Variants in NUP210L observed in about 807,000 individuals in gnomAD.
NUP210L encodes the protein nucleoporin 210 like.
A neutral mutation model predicts 208.5 loss-of-function variants in NUP210L; 74 were observed. The observed-to-expected ratio is 0.35, with a 90% CI of 0.29 to 0.43. NUP210L has a LOEUF of 0.43. Ranked by LOEUF, NUP210L falls within the 20% of genes least tolerant of loss-of-function variation. The pLI, the probability that NUP210L is intolerant of heterozygous loss-of-function variation, is 1.00. For synonymous variants in NUP210L, 780 were observed against 816.9 expected, an observed-to-expected ratio of 0.95 and a Z score of 0.77; for missense variants, 1,843 against 2,289.4, an observed-to-expected ratio of 0.81 and a Z score of 3.98.
At chr1:154,127,460 AT>A in intron 8 of NUP210L, 43 bp from the exon 9 acceptor site, 2 of 927,080 alleles carry the variant, frequency 2.2e-6, no homozygotes, top group Admixed American at 2.3e-5. Flanking sequence ...AGAGGCTAAC[AT>A]TTTTCTACAA....
chr1:154,001,523 G>C (rs1650211975), intron 36 of NUP210L, among the ~76,000 whole-genome samples: 1 of 151,960 alleles, frequency 6.6e-6, no homozygotes, highest in African/African-American at 2.4e-5. Context: ...ACTCCTTTAG[G>C]TATGTTGACA....
chr1:154,120,490 G>A (rs1394912006), intron 10 of NUP210L, among the ~76,000 whole-genome samples: 1 of 152,016 alleles, frequency 6.6e-6, no homozygotes. Context: ...GGTTGGGGGA[G>A]GGGGGAAGGA....
At chr1:154,062,567 C>CTTTTT (rs34499821) in intron 17 of NUP210L, among the ~76,000 whole-genome samples, 449 of 74,970 alleles carry the variant, frequency 6.0e-3, no homozygotes, top group East Asian at 0.01. Flanking sequence ...TTTCTTTTTC[C>CTTTTT]TTTTTTTTTT....
intron 30 of NUP210L, 133 bp downstream of exon 30, chr1:154,025,409 T>A (rs969092288): frequency 1.1e-5 from 5 of 462,218 alleles, no homozygotes; most frequent in African/African-American, 6.0e-5. Flanking sequence ...AAGTTTCTAA[T>A]TCTTTTCTTT....
intron 5 of NUP210L, among the ~76,000 whole-genome samples, chr1:154,139,511 A>G (rs1658721316): frequency 6.6e-6 from 1 of 152,078 alleles, no homozygotes; most frequent in Admixed American, 6.6e-5. Context: ...TATATTTTCC[A>G]TAGGCAAGAC....
At chr1:154,114,448 G>A (rs906118417) in intron 12 of NUP210L, among the ~76,000 whole-genome samples, 1 of 151,998 alleles carries the variant, frequency 6.6e-6, no homozygotes, top group African/African-American at 2.4e-5. Flanking sequence ...CAGTCCCAAA[G>A]CTTCAGTGAC....
At chr1:154,132,482 TA>T (rs1417206179) in intron 7 of NUP210L, among the ~76,000 whole-genome samples, 2 of 152,146 alleles carry the variant, frequency 1.3e-5, no homozygotes, top group Non-Finnish European at 2.9e-5. Flanking sequence ...CTCTTTCTCT[TA>T]TATTCTCCAT....
intron 16 of NUP210L, among the ~76,000 whole-genome samples, chr1:154,070,851 T>C (rs1654675250): frequency 6.6e-6 from 1 of 152,186 alleles, no homozygotes. Flanking sequence ...TTAACACTAA[T>C]TCAATGTCAG....
intron 17 of NUP210L, among the ~76,000 whole-genome samples, chr1:154,068,048 C>A (rs1014333269): frequency 7.2e-5 from 11 of 152,090 alleles, no homozygotes; most frequent in Non-Finnish European, 1.2e-4. Flanking sequence ...TCAATGCCAT[C>A]CCCATCAAGC....
intron 25 of NUP210L, 144 bp from the exon 26 acceptor site, chr1:154,046,513 A>G: frequency 1.2e-5 from 8 of 687,594 alleles, no homozygotes; most frequent in Non-Finnish European, 2.0e-5. Context: ...TATTCACAAT[A>G]GCCAATATTT....
intron 33 of NUP210L, among the ~76,000 whole-genome samples, chr1:154,017,151 C>T (rs1462741058): frequency 1.3e-5 from 2 of 151,648 alleles, no homozygotes; most frequent in Non-Finnish European, 2.9e-5. Context: ...GGTAGTGGCA[C>T]GTGCCTGTAA....
chr1:154,002,161 TAAAAAG>T (rs1650257645), intron 35 of NUP210L, among the ~76,000 whole-genome samples, 176 bp from the exon 36 acceptor site: 1 of 152,098 alleles, frequency 6.6e-6, no homozygotes, highest in Non-Finnish European at 1.5e-5. Flanking sequence ...GGATGCCAAA[TAAAAAG>T]AAAAATACTC....
intron 27 of NUP210L, among the ~76,000 whole-genome samples, chr1:154,044,653 G>C (rs111784749): frequency 8.1e-4 from 123 of 152,056 alleles, no homozygotes; most frequent in African/African-American, 2.2e-3. Flanking sequence ...AAATATCCTC[G>C]TAATTCTAGC....
chr1:154,040,447 GAGA>G (rs1369540025), intron 27 of NUP210L, among the ~76,000 whole-genome samples: 19 of 152,052 alleles, frequency 1.2e-4, no homozygotes, highest in Admixed American at 9.2e-4. Flanking sequence ...AGGAGCAGAA[GAGA>G]AGGAGGAGGA....
At chr1:154,072,809 A>T (rs780592703) in intron 16 of NUP210L, among the ~76,000 whole-genome samples, 6 of 152,248 alleles carry the variant, frequency 3.9e-5, no homozygotes, top group Non-Finnish European at 7.3e-5. Flanking sequence ...ACTTGAAACT[A>T]TAAAAATTCT....
chr1:154,129,501 T>C (rs1043691751), intron 7 of NUP210L, among the ~76,000 whole-genome samples, 156 bp from the exon 8 acceptor site: 1 of 152,230 alleles, frequency 6.6e-6, no homozygotes, highest in African/African-American at 2.4e-5. Context: ...TAAATGTGTA[T>C]ACTTCTGCAA....
At chr1:154,069,484 A>G (rs528576788) in intron 17 of NUP210L, among the ~76,000 whole-genome samples, 4 of 152,382 alleles carry the variant, frequency 2.6e-5, no homozygotes, top group African/African-American at 9.6e-5. Flanking sequence ...AATGCAAATC[A>G]AAGCCACAAT....
intron 12 of NUP210L, among the ~76,000 whole-genome samples, chr1:154,114,104 C>G (rs1342897863): frequency 6.7e-6 from 1 of 150,370 alleles, no homozygotes; most frequent in Non-Finnish European, 1.5e-5. Context: ...GATCGCACCA[C>G]TGCACTCCAG....
intron 33 of NUP210L, among the ~76,000 whole-genome samples, chr1:154,013,480 A>G (rs1350149846): frequency 6.6e-6 from 1 of 152,096 alleles, no homozygotes; most frequent in Non-Finnish European, 1.5e-5. Context: ...AGGCTGAGGC[A>G]GGAGAATTGC....
Sources: gnomAD v4.1 joint callset for allele counts (sites outside exome capture counted in the v4.1 genomes callset) on GRCh38, gnomAD v4.1.1 for gene constraint, MANE v1.5 for transcripts, NCBI Gene and HGNC (gene_info 2026-07-23, HGNC 2026-07-21) for gene names.